Variants in GAPVD1 observed in about 807,000 individuals in gnomAD.
GAPVD1 encodes GTPase-activating protein and VPS9 domain-containing protein 1.
GAPVD1 carries 35 observed loss-of-function variants against 155.5 expected under a neutral mutation model. The ratio of observed to expected loss-of-function variants is 0.23; its 90% confidence interval spans 0.17 to 0.30. The LOEUF is 0.30. GAPVD1 is among the 10% of genes least tolerant of loss of function. The pLI is 1.00. For missense variants in GAPVD1, 1,429 were observed against 1,775.7 expected, an observed-to-expected ratio of 0.80 and a Z score of 3.51; for synonymous variants, 636 against 619.7, an observed-to-expected ratio of 1.03 and a Z score of -0.39.
intron 2 of GAPVD1, among the ~76,000 whole-genome samples, chr9:125,288,922 G>C (rs1231782487): frequency 6.6e-6 from 1 of 152,120 alleles, no homozygotes; most frequent in Non-Finnish European, 1.5e-5. Flanking sequence ...TCTTACATAG[G>C]GTGGCCAAAC....
At chr9:125,269,979 G>A (rs1834629055) in intron 2 of GAPVD1, among the ~76,000 whole-genome samples, 6 of 151,920 alleles carry the variant, frequency 3.9e-5, no homozygotes, top group Admixed American at 2.6e-4. Flanking sequence ...TTGGCCTCTG[G>A]AAGTGCTGGG....
chr9:125,305,303 A>G (rs1841590036), intron 6 of GAPVD1, among the ~76,000 whole-genome samples, 154 bp downstream of exon 6: 1 of 152,086 alleles, frequency 6.6e-6, no homozygotes, highest in South Asian at 2.1e-4. Flanking sequence ...ATTAATTCCC[A>G]CAGATGTATT....
chr9:125,328,576 A>G (rs1845559605), intron 12 of GAPVD1, among the ~76,000 whole-genome samples: 2 of 147,152 alleles, frequency 1.4e-5, no homozygotes, highest in Non-Finnish European at 3.0e-5. Context: ...GCAGAACAAA[A>G]TGAAAAGTCT....
In GAPVD1 at chr9:125,302,640, G is replaced by A; in HGVS notation, c.843G>A (p.Arg281=). 6.2e-7 allele frequency: 1 copy of A among 1,614,040 alleles called. No individual in the cohort carries two copies. The highest frequency in any genetic ancestry group is 8.5e-7 in the Non-Finnish European group (1 of 1,179,958). The change falls in exon 5 of 28, where the codon AGG becomes AGA. Residue 281 remains arginine (R), a synonymous_variant. Coordinates refer to ENST00000297933, the MANE Select transcript of GAPVD1 (RefSeq NM_001282680.3). ...QNTYCFPHSL[R]WIVSQMYKTL... ...CATATTGTTTTCCACATAGTTTAAGGTGGATCGTGTCTCAGATGTACAAAA... is the reference window on the plus strand; with the variant it reads ...CATATTGTTTTCCACATAGTTTAAGATGGATCGTGTCTCAGATGTACAAAA...
chr9:125,280,962 C>G (rs1411332687), intron 2 of GAPVD1, among the ~76,000 whole-genome samples: 1 of 152,102 alleles, frequency 6.6e-6, no homozygotes, highest in Non-Finnish European at 1.5e-5. Flanking sequence ...ACTATTCTGG[C>G]TGGAAAATAT....
At chr9:125,353,577 A>G (rs1849610313) in intron 23 of GAPVD1, among the ~76,000 whole-genome samples, 1 of 152,188 alleles carries the variant, frequency 6.6e-6, no homozygotes, top group African/African-American at 2.4e-5. Context: ...GACATACCTG[A>G]GACTGGGCAA....
At position 125,264,208 on chromosome 9, in the gene GAPVD1, G is replaced by A. The variant is rs549460; in HGVS notation, c.-199+2249G>A. The A allele has an allele frequency of 3.8e-3, 2,319 of 606,212 alleles. 31 individuals carry two copies. In the African/African-American group the frequency reaches 0.039, roughly 10 times the overall value. The allele number at this position is 606,212 out of a possible 1,614,324, so 37.6% of individuals were successfully genotyped here. ...TCAGGGTAGTCTTTTGTTTTGTTTTGTTTTGAGACGGAGTCTGGCTCTGTT... is the reference window on the plus strand; with the variant it reads ...TCAGGGTAGTCTTTTGTTTTGTTTTATTTTGAGACGGAGTCTGGCTCTGTT... On this transcript the variant is annotated intron_variant, in intron 1 of 27. Transcript: ENST00000297933.
In GAPVD1 at chr9:125,292,305, A is replaced by G. The variant is rs964866729; in HGVS notation, c.-149-3153A>G. Among the ~76,000 whole-genome samples the G allele has an allele frequency of 2.6e-5, 4 of 152,248 alleles. No homozygotes were observed. In the East Asian group the frequency reaches 7.7e-4, roughly 29 times the overall value. ...AAGCTGTTTAGAGATTTGGTTTTGC[A>G]GGATAAAGGATGACCTGGAAGTTCT... On this transcript the variant is annotated intron_variant, in intron 2 of 27. Transcript: ENST00000297933.
intron 2 of GAPVD1, among the ~76,000 whole-genome samples, chr9:125,293,905 A>C (rs1046519208): frequency 1.3e-5 from 1 of 74,762 alleles, no homozygotes; most frequent in East Asian, 6.3e-4. Context: ...TATATATATA[A>C]GTTTTTGTTT....
At chr9:125,264,029 T>G in intron 1 of GAPVD1, 1 of 1,216,670 alleles carries the variant, frequency 8.2e-7, no homozygotes, top group Middle Eastern at 2.8e-4. Context: ...CATGTGGACA[T>G]CCTTCTTGGC....
At position 125,360,505 on chromosome 9, in the gene GAPVD1, A is replaced by G. The variant is rs549924938; in HGVS notation, c.4045-23A>G. 1.6e-5 allele frequency: 26 copies of G among 1,598,044 alleles called. No homozygotes were observed. The East Asian group carries it at 5.4e-4, about 33-fold the overall frequency. On this transcript the variant is annotated intron_variant, in intron 26 of 27. Transcript: ENST00000297933. Reference sequence around the variant, plus strand: ...GGTTGCCACTGGATTCAGAATCTGTATATTGTCTATGGTCTCACTTAGGTT... The same window carrying G: ...GGTTGCCACTGGATTCAGAATCTGTGTATTGTCTATGGTCTCACTTAGGTT...
At chr9:125,346,428 C>T in intron 19 of GAPVD1, 1 of 229,698 alleles carries the variant, frequency 4.4e-6, no homozygotes, top group African/African-American at 2.3e-5. Flanking sequence ...TTTTTTCCTC[C>T]TTCAGCATAG....
chr9:125,342,954 C>G (rs1848023434), intron 19 of GAPVD1, among the ~76,000 whole-genome samples: 1 of 152,148 alleles, frequency 6.6e-6, no homozygotes, highest in Admixed American at 6.5e-5. Flanking sequence ...ATTTCTGCAG[C>G]TGCTTTTTGG....
chr9:125,323,467 G>T (rs1010055512), intron 10 of GAPVD1, among the ~76,000 whole-genome samples: 1 of 151,994 alleles, frequency 6.6e-6, no homozygotes. Context: ...CACCACGCCT[G>T]GCTAAATTTT....
chr9:125,355,576 A>T, intron 24 of GAPVD1, 68 bp from the exon 25 acceptor site: 2 of 984,638 alleles, frequency 2.0e-6, no homozygotes, highest in Non-Finnish European at 1.5e-6. Context: ...TATTTCTATG[A>T]TTTCCTTTTT....
Position 125,360,657 on chromosome 9 carries a change from C to G in GAPVD1, c.4174C>G (p.Leu1392Val). The change falls in exon 27 of 28, where the codon CTG becomes GTG. Residue 1392 changes from leucine to valine, a missense_variant. Physicochemically the swap from Leu to Val is conservative, Grantham distance 32. Transcript: ENST00000297933. ...CTCTACGATTATGAACCTCCTGAGC[C>G]TGGCCAATGAGGACTCTGTCCCTGG... is the stretch of plus-strand genomic sequence containing the variant. ...MCSTIMNLLSLANEDSVPGAD... is the reference protein window; with the variant it reads ...MCSTIMNLLSVANEDSVPGAD... 1 of 1,614,088 alleles carries G rather than the reference C, an allele frequency of 6.2e-7. No individual in the cohort carries two copies. Among genetic ancestry groups the G allele is most frequent in the Non-Finnish European group, 8.5e-7 (1 of 1,179,972 alleles).
chr9:125,297,839 A>G (rs1208369738), intron 3 of GAPVD1, among the ~76,000 whole-genome samples: 1 of 152,084 alleles, frequency 6.6e-6, no homozygotes, highest in African/African-American at 2.4e-5. Flanking sequence ...TCCGCCTACC[A>G]GGTTCAAACA....
intron 25 of GAPVD1, among the ~76,000 whole-genome samples, chr9:125,358,700 C>G (rs1161089472): frequency 6.6e-6 from 1 of 152,242 alleles, no homozygotes; most frequent in African/African-American, 2.4e-5. Context: ...CCCCAGACTT[C>G]TGTGCTTAAT....
chr9:125,347,006 T>A, intron 20 of GAPVD1, 65 bp downstream of exon 20: 1 of 1,536,272 alleles, frequency 6.5e-7, no homozygotes, highest in East Asian at 2.3e-5. Flanking sequence ...GTAATCTGAA[T>A]TTAAGTGGCC....
Sources: allele counts gnomAD v4.1 joint callset (sites outside exome capture counted in the v4.1 genomes callset), GRCh38; gene constraint gnomAD v4.1.1; transcripts MANE v1.5; gene names NCBI Gene and HGNC (gene_info 2026-07-23, HGNC 2026-07-21).